The following SLC12A6 variants were observed in gnomAD, a reference collection of about 807,000 sequenced individuals.
The protein encoded by SLC12A6 is K-Cl cotransporter 3.
A neutral mutation model predicts 135.3 loss-of-function variants in SLC12A6; 66 were observed. That is an observed-to-expected ratio of 0.49 (90% CI 0.40 to 0.60). The LOEUF (loss-of-function observed/expected upper bound fraction) is 0.60, where lower values mean the gene tolerates loss of function less well. Ranked by LOEUF, SLC12A6 falls within the 20% of genes least tolerant of loss-of-function variation. SLC12A6 has a pLI of 0.00. For synonymous variants in SLC12A6, 513 were observed against 508.8 expected, an observed-to-expected ratio of 1.01 and a Z score of -0.11; for missense variants, 1,058 against 1,452.3, an observed-to-expected ratio of 0.73 and a Z score of 4.41.
At chr15:34,286,400 T>G (rs571084215) in intron 2 of SLC12A6, among the ~76,000 whole-genome samples, 52 of 150,868 alleles carry the variant, frequency 3.4e-4, no homozygotes, top group Non-Finnish European at 5.5e-4. Context: ...TAAGCCACAA[T>G]TTAAAAAATT....
Position 34,238,315 on chromosome 15 carries a change from A to G in SLC12A6, c.2719T>C (p.Ser907Pro), listed in dbSNP as rs747669018. ...SFFPSNVEQF[S>P]EGNIDVWWIV... Reference sequence around the variant, plus strand: ...CACCACACATCAATGTTGCCCTCAGAAAATTGCTCCACATTGCTGGGAAAG... The same window carrying G: ...CACCACACATCAATGTTGCCCTCAGGAAATTGCTCCACATTGCTGGGAAAG... The change falls in exon 21 of 26, where the codon TCT (serine) becomes CCT (proline). Residue 907 changes from serine to proline, a missense_variant. By Grantham distance (74) the Ser-to-Pro change is moderately conservative. This residue lies in a region of SLC12A6 where 245 missense variants were observed against 440.8 expected (regional missense o/e 0.56). Coordinates refer to ENST00000354181, the MANE Select transcript of SLC12A6 (RefSeq NM_001365088.1). 6.2e-7 allele frequency: 1 copy of G among 1,613,852 alleles called. No individual in the cohort carries two copies. The highest frequency in any genetic ancestry group is 8.5e-7 in the Non-Finnish European group (1 of 1,179,684).
Position 34,257,702 on chromosome 15 carries a change from C to A in SLC12A6, c.630G>T (p.Trp210Cys), listed in dbSNP as rs1057516898. 7 of 1,611,834 alleles carry A rather than the reference C, an allele frequency of 4.3e-6. No homozygotes were observed. The highest frequency in any genetic ancestry group is 5.9e-6 in the Non-Finnish European group (7 of 1,178,168). The change falls in exon 6 of 26, where the codon TGG becomes TGT. Residue 210 changes from tryptophan (W) to cysteine (C), a missense_variant. Physicochemically the swap from Trp to Cys is radical, Grantham distance 215. Around this residue, in one of 6 missense-constraint regions of SLC12A6, gnomAD observed 139 missense variants for 202.2 expected, o/e 0.69. Coordinates refer to ENST00000354181, the MANE Select transcript of SLC12A6 (RefSeq NM_001365088.1). ...FGVILFLRLT[W>C]VVGTAGVLQA... Reference sequence around the variant, plus strand: ...GAAGAACTCCAGCTGTGCCCACCACCCATGTAAGGCGTAAAAAAAGGATCA... The same window carrying A: ...GAAGAACTCCAGCTGTGCCCACCACACATGTAAGGCGTAAAAAAAGGATCA...
At chr15:34,269,457 T>C (rs1057266833) in intron 3 of SLC12A6, among the ~76,000 whole-genome samples, 3 of 152,226 alleles carry the variant, frequency 2.0e-5, no homozygotes, top group Non-Finnish European at 2.9e-5. Context: ...GTTACTCCTT[T>C]AGCTTCCTGA....
At position 34,260,915 on chromosome 15, in the gene SLC12A6, C is replaced by T. The variant is rs769943559; in HGVS notation, c.411+11G>A. ...TAAAGTCTCAGTCCATAGTTTTCTC[C>T]AAAATATTACCTCAAAGAGTGCCAA... is the stretch of plus-strand genomic sequence containing the variant. On this transcript the variant is annotated intron_variant, in intron 4 of 25. Transcript: ENST00000354181. The T allele has an allele frequency of 3.5e-6, 4 of 1,146,528 alleles. No homozygotes were observed. The highest frequency in any genetic ancestry group is 5.3e-6 in the Non-Finnish European group (4 of 753,496). 71.0% of individuals were successfully genotyped at this position (1,146,528 alleles called of 1,614,324 possible).
Position 34,229,845 on chromosome 15 carries a change from T to TA in SLC12A6, c.*4035dup. 1.3e-6 allele frequency: 2 copies of TA among 1,561,914 alleles called. No homozygotes were observed. The highest frequency in any genetic ancestry group is 1.8e-6 in the Non-Finnish European group (2 of 1,132,464). On this transcript the variant is annotated 3_prime_UTR_variant, in exon 26 of 26. Transcript: ENST00000354181. ...TTTGGGTCTTATTTACATCCTTCTT[T>TA]AAGCCCAGTGGCTCCTCAGCATACT...
intron 5 of SLC12A6, 42 bp from the exon 6 acceptor site, chr15:34,257,830 A>G (rs765540183): frequency 4.9e-6 from 7 of 1,437,950 alleles, no homozygotes; most frequent in South Asian, 2.3e-5. Context: ...CAGTTATCCT[A>G]AAGAGAGGTT....
At chr15:34,237,863 C>T (rs977121219) in intron 21 of SLC12A6, among the ~76,000 whole-genome samples, 1 of 152,160 alleles carries the variant, frequency 6.6e-6, no homozygotes, top group Non-Finnish European at 1.5e-5. Context: ...TATATATTTA[C>T]TATTTTAAAT....
At chr15:34,334,141 A>G (rs1890049403) in intron 2 of SLC12A6, among the ~76,000 whole-genome samples, 1 of 152,112 alleles carries the variant, frequency 6.6e-6, no homozygotes, top group African/African-American at 2.4e-5. Context: ...AGTAGAAGAC[A>G]TATGACAAGA....
chr15:34,246,336 A>G (rs1595420877), intron 13 of SLC12A6, among the ~76,000 whole-genome samples: 1 of 152,292 alleles, frequency 6.6e-6, no homozygotes, highest in Non-Finnish European at 1.5e-5. Flanking sequence ...ATTGACCTAT[A>G]TTAGGAAAAA....
chr15:34,318,646 G>A (rs778832512), intron 2 of SLC12A6: 6 of 1,612,734 alleles, frequency 3.7e-6, no homozygotes, highest in Admixed American at 3.3e-5. Flanking sequence ...CCTCCTCTGG[G>A]TCCTCTACCT....
intron 2 of SLC12A6, among the ~76,000 whole-genome samples, chr15:34,288,361 T>A (rs1895265531): frequency 6.6e-6 from 1 of 152,234 alleles, no homozygotes; most frequent in Non-Finnish European, 1.5e-5. Flanking sequence ...TTGGTACCAG[T>A]ACCATGCTGT....
At chr15:34,292,540 C>T (rs930583660) in intron 2 of SLC12A6, among the ~76,000 whole-genome samples, 1 of 152,136 alleles carries the variant, frequency 6.6e-6, no homozygotes, top group African/African-American at 2.4e-5. Context: ...CCAGGAGGGA[C>T]GTTTAAGTCT....
chr15:34,269,350 T>C (rs902269276), intron 3 of SLC12A6, among the ~76,000 whole-genome samples: 9 of 152,200 alleles, frequency 5.9e-5, no homozygotes, highest in African/African-American at 1.9e-4. Context: ...TCTTACTCTT[T>C]ATATAAACAC....
intron 2 of SLC12A6, among the ~76,000 whole-genome samples, chr15:34,294,906 C>T (rs561247750): frequency 6.6e-6 from 1 of 152,240 alleles, no homozygotes; most frequent in East Asian, 1.9e-4. Flanking sequence ...CTTTTATAGA[C>T]ACAACTCTAC....
At chr15:34,294,731 CTAAT>C (rs1229981411) in intron 2 of SLC12A6, among the ~76,000 whole-genome samples, 1 of 152,082 alleles carries the variant, frequency 6.6e-6, no homozygotes, top group Admixed American at 6.5e-5. Flanking sequence ...CTATAACTGG[CTAAT>C]TTATTTGGTA....
chr15:34,256,272 A>G lies in SLC12A6; in HGVS notation c.702T>C (p.Thr234=). Residue 234 remains threonine (T), a synonymous_variant, in exon 7 of 26, where the codon ACT becomes ACC. Transcript: ENST00000354181. ...VLICCCCTML[T]AISMSAIATN... ...TGGCAATGGCACTCATGGAGATAGC[A>G]GTCAACATTGTCTGCAGAGAAAAGG... 2 of 1,604,554 alleles carry G rather than the reference A, an allele frequency of 1.2e-6. No individual in the cohort carries two copies. The highest frequency in any genetic ancestry group is 1.7e-6 in the Non-Finnish European group (2 of 1,171,298).
intron 2 of SLC12A6, among the ~76,000 whole-genome samples, chr15:34,308,263 C>T (rs181864567): frequency 2.0e-5 from 3 of 152,166 alleles, no homozygotes; most frequent in Non-Finnish European, 4.4e-5. Flanking sequence ...ATTGTTAAGT[C>T]TCTTATTTCT....
chr15:34,300,114 T>C (rs979671988), intron 2 of SLC12A6, among the ~76,000 whole-genome samples: 1 of 152,010 alleles, frequency 6.6e-6, no homozygotes, highest in African/African-American at 2.4e-5. Context: ...ATAAAAAAAT[T>C]AGAAATCACA....
chr15:34,289,758 T>C (rs147429239), intron 2 of SLC12A6, among the ~76,000 whole-genome samples: 15 of 152,342 alleles, frequency 9.8e-5, no homozygotes, highest in African/African-American at 3.6e-4. Flanking sequence ...TTTTCTAGTT[T>C]ATTTACATAG....
Sources: allele counts gnomAD v4.1 joint callset (sites outside exome capture counted in the v4.1 genomes callset), GRCh38; gene constraint gnomAD v4.1.1; regional missense constraint gnomAD v4.1.1; transcripts MANE v1.5; gene names NCBI Gene and HGNC (gene_info 2026-07-23, HGNC 2026-07-21).